Variants in MSR1 observed in about 807,000 individuals in gnomAD.
MSR1 encodes macrophage scavenger receptor types I and II.
Under a neutral mutation model 47.2 loss-of-function variants are expected in MSR1, and 53 were observed. The observed-to-expected ratio is 1.12, with a 90% CI of 0.90 to 1.41. MSR1 has a LOEUF of 1.41. MSR1 is among the 40% of genes most tolerant of loss of function. The pLI, the probability that MSR1 is intolerant of heterozygous loss-of-function variation, is 0.00. For synonymous variants in MSR1, 239 were observed against 185.6 expected, an observed-to-expected ratio of 1.29 and a Z score of -2.34; for missense variants, 786 against 546.9, an observed-to-expected ratio of 1.44 and a Z score of -4.36.
intron 8 of MSR1, among the ~76,000 whole-genome samples, chr8:16,124,396 G>A (rs573925656): frequency 6.6e-6 from 1 of 152,130 alleles, no homozygotes; most frequent in East Asian, 1.9e-4. Flanking sequence ...GAATGATAGA[G>A]GATTTCCTGG....
chr8:16,125,137 TTGTCAGCTCAG>T (rs1563141379), intron 8 of MSR1, among the ~76,000 whole-genome samples: 1 of 152,156 alleles, frequency 6.6e-6, no homozygotes, highest in Non-Finnish European at 1.5e-5. Flanking sequence ...AAATCTGATC[TTGTCAGCTCAG>T]TGAGCAGATC....
chr8:16,190,727 C>CTTTTTTTTTTT (rs1279894353), intron 1 of MSR1, among the ~76,000 whole-genome samples: 11 of 146,734 alleles, frequency 7.5e-5, no homozygotes, highest in African/African-American at 2.3e-4. Context: ...TTCTTTCTTT[C>CTTTTTTTTTTT]TTTTTGTTTT....
chr8:16,164,377 A>G (rs1022007348), intron 4 of MSR1, 126 bp from the exon 5 acceptor site: 3 of 738,124 alleles, frequency 4.1e-6, no homozygotes, highest in East Asian at 2.7e-5. Context: ...GAATAAGAAT[A>G]TAGAAATTAG....
chr8:16,168,174 G>C (rs1289583667), intron 4 of MSR1, among the ~76,000 whole-genome samples: 3 of 152,130 alleles, frequency 2.0e-5, no homozygotes, highest in African/African-American at 7.2e-5. Flanking sequence ...ATTATGATTG[G>C]TTTAGGCAGT....
At chr8:16,155,800 G>A (rs750019982) in intron 5 of MSR1, among the ~76,000 whole-genome samples, 32 of 151,886 alleles carry the variant, frequency 2.1e-4, no homozygotes, top group Non-Finnish European at 3.2e-4. Context: ...GTGAAAATGA[G>A]TAGAGGAATT....
chr8:16,190,369 AT>A (rs1381045690), intron 1 of MSR1, among the ~76,000 whole-genome samples: 1 of 152,198 alleles, frequency 6.6e-6, no homozygotes, highest in African/African-American at 2.4e-5. Flanking sequence ...ATATGTGAAT[AT>A]GGCAGTTTCA....
At chr8:16,173,794 A>G (rs974055805) in intron 3 of MSR1, among the ~76,000 whole-genome samples, 48 of 151,880 alleles carry the variant, frequency 3.2e-4, no homozygotes, top group African/African-American at 1.1e-3. Flanking sequence ...GACTACAGGC[A>G]CCCGCCACCA....
At chr8:16,188,079 T>C (rs1188943672) in intron 1 of MSR1, among the ~76,000 whole-genome samples, 3 of 152,150 alleles carry the variant, frequency 2.0e-5, no homozygotes, top group African/African-American at 4.8e-5. Context: ...AATGTCAGTG[T>C]GCTGATAAAC....
At chr8:16,171,788 G>C (rs1801495025) in intron 3 of MSR1, among the ~76,000 whole-genome samples, 3 of 152,074 alleles carry the variant, frequency 2.0e-5, no homozygotes, top group South Asian at 2.1e-4. Flanking sequence ...TTAGATTCTA[G>C]AATAGAACTG....
chr8:16,189,873 G>A (rs1363616010), intron 1 of MSR1, among the ~76,000 whole-genome samples: 1 of 145,036 alleles, frequency 6.9e-6, no homozygotes, highest in Admixed American at 7.1e-5. Context: ...TTCCCAGGGG[G>A]CAATGCTTCA....
intron 8 of MSR1, chr8:16,140,731 T>G: frequency 2.1e-6 from 3 of 1,407,136 alleles, no homozygotes; most frequent in Non-Finnish European, 2.8e-6. Context: ...AGTCCGTGCA[T>G]GAGAGGTGTC....
intron 1 of MSR1, among the ~76,000 whole-genome samples, chr8:16,179,066 C>G (rs940410477): frequency 6.6e-6 from 1 of 152,062 alleles, no homozygotes; most frequent in Non-Finnish European, 1.5e-5. Context: ...TTTCTATTTA[C>G]AAACATGTAT....
chr8:16,185,257 G>T (rs917509544), intron 1 of MSR1, among the ~76,000 whole-genome samples: 1 of 151,888 alleles, frequency 6.6e-6, no homozygotes, highest in South Asian at 2.1e-4. Flanking sequence ...CAGTCTCTCT[G>T]AGAATCTCAT....
At chr8:16,173,359 A>C (rs1167186287) in intron 3 of MSR1, among the ~76,000 whole-genome samples, 6 of 152,226 alleles carry the variant, frequency 3.9e-5, no homozygotes, top group African/African-American at 1.4e-4. Context: ...CATAAAGGTG[A>C]TGAAATCTAC....
At chr8:16,177,338 C>G (rs34884195) in intron 2 of MSR1, among the ~76,000 whole-genome samples, 5 of 151,980 alleles carry the variant, frequency 3.3e-5, no homozygotes, top group Admixed American at 3.3e-4. Flanking sequence ...AGAGAGAAGA[C>G]CATACGAAGA....
chr8:16,183,896 A>ATT (rs1329729898), intron 1 of MSR1, among the ~76,000 whole-genome samples: 1 of 140,700 alleles, frequency 7.1e-6, no homozygotes, highest in Non-Finnish European at 1.5e-5. Context: ...ATAATATATA[A>ATT]TTATATATAT....
intron 8 of MSR1, among the ~76,000 whole-genome samples, chr8:16,138,860 T>C (rs951320532): frequency 1.3e-5 from 2 of 152,214 alleles, no homozygotes; most frequent in African/African-American, 4.8e-5. Flanking sequence ...CTGGAGATTT[T>C]AATGTCATGT....
chr8:16,174,115 T>A (rs1374685640), intron 3 of MSR1, among the ~76,000 whole-genome samples: 1 of 152,200 alleles, frequency 6.6e-6, no homozygotes, highest in Non-Finnish European at 1.5e-5. Flanking sequence ...ATAATTACAG[T>A]CTCTGTAGAG....
Position 16,139,747 on chromosome 8 carries a change from TAAAAAAAA to T in MSR1, c.1033+3803_1033+3810del, listed in dbSNP as rs1162319738. 31 of 146,604 alleles carry T rather than the reference TAAAAAAAA, an allele frequency of 2.1e-4. No homozygotes were observed. In the East Asian group the frequency reaches 4.6e-3, roughly 22 times the overall value. 9.1% of individuals were successfully genotyped at this position (146,604 alleles called of 1,614,324 possible). On this transcript the variant is annotated intron_variant, in intron 8 of 9. Transcript: ENST00000262101. Reference sequence around the variant, plus strand: ...CCAAGCTCGACTACACTTCAAAACTTAAAAAAAAAAAAAAAAAAAAAAAAAAAATATAT... The same window carrying T: ...CCAAGCTCGACTACACTTCAAAACTTAAAAAAAAAAAAAAAAAAAATATAT...
Sources: allele counts gnomAD v4.1 joint callset (sites outside exome capture counted in the v4.1 genomes callset), GRCh38; gene constraint gnomAD v4.1.1; transcripts MANE v1.5; gene names NCBI Gene and HGNC (gene_info 2026-07-23, HGNC 2026-07-21).